Variants in IL23R observed in about 807,000 individuals in gnomAD.
IL23R encodes the protein interleukin-23 receptor.
Under a neutral mutation model 56.9 loss-of-function variants are expected in IL23R, and 34 were observed. That is an observed-to-expected ratio of 0.60 (90% CI 0.45 to 0.80). IL23R has a LOEUF of 0.80. Among genes scored for constraint, IL23R ranks in the 30% least tolerant of loss-of-function variants. The probability of loss-of-function intolerance (pLI) is 0.00; values close to 1 mark genes in which losing one functional copy is unlikely to be tolerated. For synonymous variants in IL23R, 230 were observed against 249.2 expected (o/e 0.92, Z 0.73); for missense variants, 635 against 730.0 (o/e 0.87, Z 1.50).
At chr1:67,167,993 G>C (rs949791650) in intron 1 of IL23R, 99 bp from the exon 2 acceptor site, 1 of 686,658 alleles carries the variant, frequency 1.5e-6, no homozygotes, top group Admixed American at 2.2e-5. Flanking sequence ...CTAATCAAAG[G>C]TTCCCATCAA....
chr1:67,164,137 A>G (rs990444248), upstream of IL23R, among the ~76,000 whole-genome samples: 1 of 152,206 alleles, frequency 6.6e-6, no homozygotes, highest in Admixed American at 6.5e-5. Context: ...TCCAAAATAC[A>G]TAAGGAACTC....
At chr1:67,218,933 AAAAAT>A (rs895933977) in intron 6 of IL23R, among the ~76,000 whole-genome samples, 6 of 151,428 alleles carry the variant, frequency 4.0e-5, no homozygotes, top group African/African-American at 1.2e-4. Flanking sequence ...TATCTAGAAA[AAAAAT>A]AAAATAAAAA....
At chr1:67,233,218 A>G (rs1195328660) in intron 7 of IL23R, among the ~76,000 whole-genome samples, 1 of 149,568 alleles carries the variant, frequency 6.7e-6, no homozygotes, top group African/African-American at 2.5e-5. Flanking sequence ...AAAAAAAAAA[A>G]AGCCACGCGT....
intron 6 of IL23R, among the ~76,000 whole-genome samples, chr1:67,217,877 T>A (rs2100218585): frequency 1.3e-5 from 2 of 151,986 alleles, no homozygotes; most frequent in African/African-American, 4.8e-5. Flanking sequence ...GAAGCATCCC[T>A]GAATGAGGTT....
chr1:67,189,762 T>C (rs1222371555), intron 4 of IL23R, among the ~76,000 whole-genome samples: 1 of 151,986 alleles, frequency 6.6e-6, no homozygotes, highest in African/African-American at 2.4e-5. Flanking sequence ...CTGGGCAACA[T>C]GGCGAAAAAT....
At chr1:67,207,730 G>T in intron 6 of IL23R, 1 of 263,546 alleles carries the variant, frequency 3.8e-6, no homozygotes, top group Non-Finnish European at 7.4e-6. Context: ...TTTCTTCCTA[G>T]TCTTGGGTAT....
upstream of IL23R, among the ~76,000 whole-genome samples, chr1:67,163,468 C>CAAAAAAAA (rs57495148): frequency 1.4e-4 from 7 of 49,606 alleles, no homozygotes; most frequent in African/African-American, 1.9e-4. Flanking sequence ...GACCCTGTCT[C>CAAAAAAAA]AAAAAAAAAA....
chr1:67,171,579 C>A (rs1646944193), intron 3 of IL23R, among the ~76,000 whole-genome samples: 1 of 152,140 alleles, frequency 6.6e-6, no homozygotes, highest in African/African-American at 2.4e-5. Context: ...ATGGTTAAAG[C>A]AGAGGGGATT....
chr1:67,148,624 C>G (rs928093539), intron 1 of IL23R, among the ~76,000 whole-genome samples: 18 of 152,198 alleles, frequency 1.2e-4, no homozygotes, highest in African/African-American at 4.1e-4. Context: ...AGTCCTGTCT[C>G]TCACTATCTT....
chr1:67,189,107 G>T (rs1376308631), intron 4 of IL23R, among the ~76,000 whole-genome samples: 1 of 151,948 alleles, frequency 6.6e-6, no homozygotes, highest in Non-Finnish European at 1.5e-5. Context: ...AAGAGATGTT[G>T]CATGTGCTCT....
At chr1:67,237,866 C>T (rs1467568466) in intron 8 of IL23R, among the ~76,000 whole-genome samples, 1 of 152,082 alleles carries the variant, frequency 6.6e-6, no homozygotes, top group African/African-American at 2.4e-5. Context: ...ATTCTTTGCA[C>T]CTTCATTTAT....
chr1:67,141,950 C>A (rs1017994586), intron 1 of IL23R, among the ~76,000 whole-genome samples: 4 of 152,174 alleles, frequency 2.6e-5, no homozygotes, highest in Non-Finnish European at 5.9e-5. Context: ...GACAGTTATT[C>A]AATTAAGACA....
At chr1:67,214,397 GT>G (rs1363438171) in intron 6 of IL23R, among the ~76,000 whole-genome samples, 2 of 152,176 alleles carry the variant, frequency 1.3e-5, no homozygotes, top group African/African-American at 2.4e-5. Flanking sequence ...TTCAAACTCT[GT>G]TTCCCTATTT....
At chr1:67,240,326 A>G in intron 9 of IL23R, 45 bp downstream of exon 9, 2 of 1,235,214 alleles carry the variant, frequency 1.6e-6, no homozygotes, top group South Asian at 1.2e-5. Flanking sequence ...GACTACATGT[A>G]TATGTATCAC....
At chr1:67,215,394 C>T (rs1336765174) in intron 6 of IL23R, among the ~76,000 whole-genome samples, 2 of 152,226 alleles carry the variant, frequency 1.3e-5, no homozygotes, top group South Asian at 2.1e-4. Context: ...CTCTCCTCTA[C>T]ATGTCTCCTG....
chr1:67,154,226 A>C (rs538735050), intron 1 of IL23R, among the ~76,000 whole-genome samples: 1 of 152,306 alleles, frequency 6.6e-6, no homozygotes, highest in Admixed American at 6.5e-5. Flanking sequence ...AGAAGAATGT[A>C]TATTCTGTTG....
At chr1:67,187,218 T>C (rs921326732) in intron 4 of IL23R, among the ~76,000 whole-genome samples, 1 of 152,212 alleles carries the variant, frequency 6.6e-6, no homozygotes, top group Non-Finnish European at 1.5e-5. Context: ...AGGGTTCCAG[T>C]ATCTCCACAT....
chr1:67,233,636 A>G (rs1466680240), intron 7 of IL23R, among the ~76,000 whole-genome samples: 1 of 152,220 alleles, frequency 6.6e-6, no homozygotes, highest in Non-Finnish European at 1.5e-5. Context: ...AAATTCCCAC[A>G]GGCACATTGT....
At chr1:67,167,979 C>T in intron 1 of IL23R, 113 bp from the exon 2 acceptor site, 12 of 642,562 alleles carry the variant, frequency 1.9e-5, no homozygotes, top group South Asian at 5.8e-5. Context: ...TTCCTTCTTC[C>T]TCCCTAATCA....
Sources: gnomAD v4.1 joint callset for allele counts (sites outside exome capture counted in the v4.1 genomes callset) on GRCh38, gnomAD v4.1.1 for gene constraint, MANE v1.5 for transcripts, NCBI Gene and HGNC (gene_info 2026-07-23, HGNC 2026-07-21) for gene names.